The following HHIPL1 variants were observed in gnomAD, a reference collection of about 807,000 sequenced individuals.
HHIPL1 encodes HHIP-like protein 1.
In HHIPL1, 43 loss-of-function variants were observed where a neutral mutation model predicts 61.8. The ratio of observed to expected loss-of-function variants is 0.70; its 90% CI spans 0.55 to 0.90. The LOEUF (loss-of-function observed/expected upper bound fraction) is 0.90. Among genes scored for constraint, HHIPL1 ranks in the 40% least tolerant of loss-of-function variants. The pLI, the probability that HHIPL1 is intolerant of heterozygous loss-of-function variation, is 0.00. For synonymous variants in HHIPL1, 482 were observed against 515.8 expected, an observed-to-expected ratio of 0.93 and a Z score of 0.89; for missense variants, 1,056 against 1,157.7, an observed-to-expected ratio of 0.91 and a Z score of 1.28.
At chr14:99,666,694 G>A (rs765750385) in intron 6 of HHIPL1, among the ~76,000 whole-genome samples, 2 of 152,212 alleles carry the variant, frequency 1.3e-5, no homozygotes, top group African/African-American at 2.4e-5. Context: ...GCCCAAGGCT[G>A]TGTGGCCAAT....
intron 1 of HHIPL1, among the ~76,000 whole-genome samples, chr14:99,646,831 T>TAA (rs2055846954): frequency 1.6e-5 from 1 of 62,992 alleles, no homozygotes; most frequent in Non-Finnish European, 3.4e-5. Flanking sequence ...TGATATGATA[T>TAA]GATATAATAT....
Position 99,668,953 on chromosome 14 carries a change from CT to C in HHIPL1, c.1730+651del. ...AGCACAAAGACACGAAGTCATGGGC[CT>C]GGGGCCCAGGGCCAGGGTGGGGCCC... On this transcript the variant is annotated intron_variant, in intron 7 of 8. Transcript: ENST00000330710. The surrounding 1 kb of genome is among the most constrained non-coding windows in gnomAD (Gnocchi z 4.7). 1 of 1,604,218 alleles carries C rather than the reference CT, an allele frequency of 6.2e-7. No homozygotes were observed. The highest frequency in any genetic ancestry group is 8.5e-7 in the Non-Finnish European group (1 of 1,173,906).
the HHIPL1 span, among the ~76,000 whole-genome samples, chr14:99,631,570 C>T: frequency 2.0e-5 from 3 of 152,098 alleles, no homozygotes; most frequent in African/African-American, 7.2e-5. Flanking sequence ...TGGGGTTGGA[C>T]TAGGCATGAT....
At chr14:99,605,227 A>G in the HHIPL1 span, among the ~76,000 whole-genome samples, 2 of 152,134 alleles carry the variant, frequency 1.3e-5, no homozygotes, top group Non-Finnish European at 2.9e-5. Context: ...TGGGGCCTGA[A>G]CGCCGGGGTC....
At chr14:99,659,840 G>C (rs2056117327) in intron 4 of HHIPL1, 84 bp downstream of exon 4, 10 of 433,216 alleles carry the variant, frequency 2.3e-5, no homozygotes, top group East Asian at 8.8e-5. Context: ...CTCCCTCGGA[G>C]ACCGCACCCC....
the HHIPL1 span, among the ~76,000 whole-genome samples, chr14:99,630,649 G>A: frequency 3.3e-5 from 5 of 152,342 alleles, no homozygotes; most frequent in East Asian, 3.9e-4. Context: ...GCCGCTGCCA[G>A]CACATAGCAT....
intron 1 of HHIPL1, among the ~76,000 whole-genome samples, chr14:99,647,782 T>C (rs2055865789): frequency 6.6e-6 from 1 of 152,146 alleles, no homozygotes; most frequent in Non-Finnish European, 1.5e-5. Context: ...TCTCTGTCAG[T>C]GTGGAGGCAC....
At position 99,657,256 on chromosome 14, in the gene HHIPL1, G is replaced by A. The variant is rs1029812242; in HGVS notation, c.1046+113G>A. The A allele has an allele frequency of 2.1e-5, 26 of 1,266,574 alleles. No homozygotes were observed. In the East Asian group the frequency reaches 5.7e-4, roughly 28 times the overall value. 78.5% of individuals were successfully genotyped at this position (1,266,574 alleles called of 1,614,324 possible). A position where few individuals can be genotyped will look rare whatever the true frequency, so the allele number is the denominator to read the frequency against. On this transcript the variant is annotated intron_variant, in intron 3 of 8. Transcript: ENST00000330710. ...CCAGGCATTGTAGGGCAGGAGAAAA[G>A]GTTCTGGGTCCCAGCTCAGCCTGCA...
chr14:99,663,964 A>G (rs950712887), intron 6 of HHIPL1, among the ~76,000 whole-genome samples: 2 of 152,216 alleles, frequency 1.3e-5, no homozygotes, highest in Non-Finnish European at 2.9e-5. Context: ...GGGCCATTCA[A>G]TGAAACCACA....
upstream of HHIPL1, among the ~76,000 whole-genome samples, chr14:99,643,743 C>A (rs1434653542): frequency 6.6e-6 from 1 of 152,226 alleles, no homozygotes; most frequent in Non-Finnish European, 1.5e-5. Flanking sequence ...CCAATGAAAG[C>A]CACAGGTGGG....
chr14:99,645,518 G>T, intron 1 of HHIPL1, 56 bp downstream of exon 1: 1 of 1,248,318 alleles, frequency 8.0e-7, no homozygotes, highest in Non-Finnish European at 1.0e-6. Flanking sequence ...GAGTCCTGGA[G>T]CAGAGATCGG....
the HHIPL1 span, among the ~76,000 whole-genome samples, chr14:99,635,307 G>T: frequency 6.6e-6 from 1 of 152,184 alleles, no homozygotes; most frequent in Non-Finnish European, 1.5e-5. Flanking sequence ...TGAAGAGTTT[G>T]GACAGGTGGG....
rs2056141243 is a variant in HHIPL1, at chr14:99,660,948, G to A, written c.1502+542G>A. Among the ~76,000 whole-genome samples, 1 of 152,174 alleles carries A rather than the reference G, an allele frequency of 6.6e-6. No individual in the cohort carries two copies. The highest frequency in any genetic ancestry group is 1.5e-5 in the Non-Finnish European group (1 of 68,020). ...CCTCCTAATGGGGAGAGGAGGAGGT[G>A]GGGCTCTTGTGGCCTTGGAGCCTTG... On this transcript the variant is annotated intron_variant, in intron 5 of 8. Coordinates refer to ENST00000330710, the MANE Select transcript of HHIPL1 (RefSeq NM_001127258.3). This position sits in a 1 kb window ranked among gnomAD's most constrained non-coding sequence, Gnocchi z 4.9.
At chr14:99,640,730 A>G (rs563965394), upstream of HHIPL1, among the ~76,000 whole-genome samples, 5 of 152,288 alleles carry the variant, frequency 3.3e-5, no homozygotes, top group East Asian at 9.6e-4. Flanking sequence ...GTGATAACTT[A>G]TAACAGAATT....
At position 99,660,415 on chromosome 14, in the gene HHIPL1, C is replaced by T; in HGVS notation, c.1502+9C>T. 3 of 1,608,820 alleles carry T rather than the reference C, an allele frequency of 1.9e-6. No homozygotes were observed. Among genetic ancestry groups the T allele is most frequent in the South Asian group, 2.2e-5 (2 of 90,670 alleles). ...GGGGATTTCATGAGCGGGTAAGTGACCTAGTGCCCTCGCGCCCCTGGCTGC... is the reference window on the plus strand; with the variant it reads ...GGGGATTTCATGAGCGGGTAAGTGATCTAGTGCCCTCGCGCCCCTGGCTGC... On this transcript the variant is annotated intron_variant, in intron 5 of 8. Coordinates refer to ENST00000330710, the MANE Select transcript of HHIPL1 (RefSeq NM_001127258.3). This position sits in a 1 kb window ranked among gnomAD's most constrained non-coding sequence, Gnocchi z 4.9.
the HHIPL1 span, among the ~76,000 whole-genome samples, chr14:99,638,088 T>G: frequency 6.6e-6 from 1 of 152,232 alleles, no homozygotes; most frequent in African/African-American, 2.4e-5. Context: ...TTGGTAATTT[T>G]TCCATAAGGA....
At chr14:99,662,254 G>A (rs1175114043) in intron 5 of HHIPL1, among the ~76,000 whole-genome samples, 1 of 152,164 alleles carries the variant, frequency 6.6e-6, no homozygotes, top group Non-Finnish European at 1.5e-5. Context: ...GCCCAGCATG[G>A]GGGCCTTCAG....
the HHIPL1 span, chr14:99,625,803 G>C: frequency 6.6e-6 from 1 of 152,166 alleles, no homozygotes; most frequent in African/African-American, 2.4e-5. Context: ...AGTTTCAAAG[G>C]TTCCTGCTCT....
At chr14:99,631,093 T>TTTCTTTCTTTCTTTCC in the HHIPL1 span, among the ~76,000 whole-genome samples, 1 of 147,266 alleles carries the variant, frequency 6.8e-6, no homozygotes, top group Non-Finnish European at 1.5e-5. Context: ...TCTTTCTTTC[T>TTTCTTTCTTTCTTTCC]TTCTTTCTTT....
Sources: gnomAD v4.1 joint callset for allele counts (sites outside exome capture counted in the v4.1 genomes callset) on GRCh38, gnomAD v4.1.1 for gene constraint, Gnocchi (gnomAD v3.1) non-coding constraint, MANE v1.5 for transcripts, NCBI Gene and HGNC (gene_info 2026-07-23, HGNC 2026-07-21) for gene names.